The following PRKDC variants were observed in gnomAD, a reference collection of about 807,000 sequenced individuals.
PRKDC encodes DNA-dependent protein kinase catalytic subunit.
PRKDC carries 82 observed loss-of-function variants against 486.9 expected under a neutral mutation model. That is an observed-to-expected ratio of 0.17 (90% CI 0.14 to 0.20). The LOEUF (loss-of-function observed/expected upper bound fraction) is 0.20. PRKDC is among the 10% of genes least tolerant of loss of function. The pLI is 1.00. For missense variants in PRKDC, 4,504 were observed against 5,038.2 expected (o/e 0.89, Z 3.21); for synonymous variants, 1,895 against 1,837.0 (o/e 1.03, Z -0.81).
chr8:47,956,977 CCAA>C (rs1187027520), intron 3 of PRKDC, among the ~76,000 whole-genome samples, 191 bp downstream of exon 3: 146 of 11,442 alleles, frequency 0.013, 1 homozygote, highest in African/African-American at 0.026. Flanking sequence ...AACTCCTTCT[CCAA>C]AAAAAAAAAA....
At chr8:47,944,362 C>T (rs886417650) in intron 7 of PRKDC, among the ~76,000 whole-genome samples, 2 of 151,472 alleles carry the variant, frequency 1.3e-5, no homozygotes, top group Non-Finnish European at 2.9e-5. Context: ...CAATAGGGAC[C>T]GTATATACCT....
intron 24 of PRKDC, 89 bp downstream of exon 24, chr8:47,913,812 T>G: frequency 8.1e-7 from 1 of 1,239,754 alleles, no homozygotes; most frequent in Non-Finnish European, 1.1e-6. Context: ...AATATTGGAA[T>G]GGCTGAAACA....
chr8:47,789,260 GT>G, intron 74 of PRKDC, 22 bp from the exon 75 acceptor site: 1 of 1,449,398 alleles, frequency 6.9e-7, no homozygotes. Context: ...AATTTACAAA[GT>G]TTAGGCAATC....
intron 80 of PRKDC, among the ~76,000 whole-genome samples, chr8:47,781,154 G>A (rs557954551): frequency 2.0e-5 from 3 of 152,264 alleles, no homozygotes; most frequent in Admixed American, 6.5e-5. Context: ...CAGGAAAGGC[G>A]ACACCTGCTT....
intron 4 of PRKDC, among the ~76,000 whole-genome samples, chr8:47,955,612 G>C (rs1273809444): frequency 4.6e-5 from 7 of 151,770 alleles, no homozygotes; most frequent in African/African-American, 1.7e-4. Context: ...ATAAATGAAA[G>C]AGCAATAAAT....
intron 74 of PRKDC, among the ~76,000 whole-genome samples, chr8:47,790,789 A>G (rs1207114689): frequency 6.6e-6 from 1 of 152,172 alleles, no homozygotes; most frequent in Non-Finnish European, 1.5e-5. Flanking sequence ...TTTTTCACAA[A>G]TGTGCCAAGA....
intron 3 of PRKDC, among the ~76,000 whole-genome samples, 177 bp downstream of exon 3, chr8:47,956,994 A>C (rs2090713942): frequency 6.7e-6 from 1 of 150,198 alleles, no homozygotes; most frequent in Non-Finnish European, 1.5e-5. Flanking sequence ...AAAAAAAAAA[A>C]AAAAAAACCT....
chr8:47,955,546 G>A (rs1370419499), intron 4 of PRKDC, among the ~76,000 whole-genome samples: 1 of 150,720 alleles, frequency 6.6e-6, no homozygotes, highest in Non-Finnish European at 1.5e-5. Context: ...AGAGATATAA[G>A]GTGATCTTTC....
At chr8:47,826,475 T>C (rs1364782379) in intron 63 of PRKDC, among the ~76,000 whole-genome samples, 181 bp downstream of exon 63, 1 of 152,280 alleles carries the variant, frequency 6.6e-6, no homozygotes, top group African/African-American at 2.4e-5. Flanking sequence ...ACATTACTTG[T>C]TGTGGCAACT....
intron 27 of PRKDC, among the ~76,000 whole-genome samples, 191 bp from the exon 28 acceptor site, chr8:47,900,658 G>A (rs537189303): frequency 2.6e-5 from 4 of 151,990 alleles, no homozygotes; most frequent in African/African-American, 7.2e-5. Flanking sequence ...TCAGGAGATC[G>A]AGACCACAGT....
intron 77 of PRKDC, chr8:47,784,136 T>C (rs1589693036): frequency 9.0e-6 from 2 of 222,662 alleles, no homozygotes; most frequent in East Asian, 1.1e-4. Flanking sequence ...TGGGCGCCTA[T>C]AGTCCCAGCT....
intron 38 of PRKDC, among the ~76,000 whole-genome samples, chr8:47,880,182 T>A (rs1431039189): frequency 6.6e-6 from 1 of 152,172 alleles, no homozygotes; most frequent in East Asian, 1.9e-4. Context: ...CCAGGCTAGT[T>A]GGTTGACGCC....
intron 11 of PRKDC, 45 bp downstream of exon 11, chr8:47,939,506 A>G (rs753116012): frequency 2.5e-6 from 4 of 1,579,126 alleles, no homozygotes; most frequent in Non-Finnish European, 2.6e-6. Context: ...CCTTTAAACA[A>G]TCACGTGAAA....
At chr8:47,957,734 T>G (rs2090730687) in intron 1 of PRKDC, among the ~76,000 whole-genome samples, 1 of 152,194 alleles carries the variant, frequency 6.6e-6, no homozygotes, top group African/African-American at 2.4e-5. Flanking sequence ...CAGGATGGTC[T>G]CGATCTCCTG....
chr8:47,786,723 CTTTTTTTTT>C (rs5891257), intron 76 of PRKDC, among the ~76,000 whole-genome samples: 1 of 88,248 alleles, frequency 1.1e-5, no homozygotes, highest in East Asian at 4.3e-4. Flanking sequence ...ATTATTTAAT[CTTTTTTTTT>C]TTTTTTTTTT....
At chr8:47,819,322 T>G (rs964967206) in intron 67 of PRKDC, 80 bp downstream of exon 67, 4 of 918,316 alleles carry the variant, frequency 4.4e-6, no homozygotes, top group Non-Finnish European at 6.6e-6. Context: ...ACATGCACTT[T>G]CACTAAGCAG....
intron 54 of PRKDC, among the ~76,000 whole-genome samples, chr8:47,842,421 G>T (rs185593121): frequency 6.6e-6 from 1 of 152,124 alleles, no homozygotes; most frequent in African/African-American, 2.4e-5. Context: ...CCCAATGCAG[G>T]AACCTAGAGA....
intron 70 of PRKDC, 100 bp downstream of exon 70, chr8:47,803,206 C>T: frequency 1.7e-6 from 2 of 1,165,038 alleles, no homozygotes; most frequent in Non-Finnish European, 2.3e-6. Context: ...AAAGATTTAC[C>T]TCCCAAATGT....
At chr8:47,805,533 A>T (rs763419448) in intron 69 of PRKDC, among the ~76,000 whole-genome samples, 1 of 152,212 alleles carries the variant, frequency 6.6e-6, no homozygotes, top group Non-Finnish European at 1.5e-5. Context: ...TCTGGATACT[A>T]GACCCTTATC....
Sources: allele counts gnomAD v4.1 joint callset (sites outside exome capture counted in the v4.1 genomes callset), GRCh38; gene constraint gnomAD v4.1.1; transcripts MANE v1.5; gene names NCBI Gene and HGNC (gene_info 2026-07-23, HGNC 2026-07-21).